LRP1B: variants seen among roughly 807,000 people sequenced by gnomAD.
LRP1B encodes LDL receptor related protein 1B.
A neutral mutation model predicts 556.6 loss-of-function variants in LRP1B; 217 were observed. The observed-to-expected ratio is 0.39, with a 90% CI of 0.35 to 0.44. LRP1B has a LOEUF of 0.44. Ranked by LOEUF, LRP1B falls within the 20% of genes least tolerant of loss-of-function variation. The probability of loss-of-function intolerance (pLI) is 1.00; values close to 1 mark genes in which losing one functional copy is unlikely to be tolerated. For synonymous variants in LRP1B, 2,047 were observed against 1,865.8 expected (o/e 1.10, Z -2.50); for missense variants, 5,053 against 5,620.8 (o/e 0.90, Z 3.23).
rs575392860 is a variant in LRP1B at position 140,536,833 on chromosome 2, A to G, written c.7514-124T>C. The G allele has an allele frequency of 3.9e-5, 29 of 743,758 alleles. No individual in the cohort carries two copies. In the East Asian group the frequency reaches 8.2e-4, roughly 21 times the overall value. The allele number at this position is 743,758 out of a possible 1,614,324, so 46.1% of individuals were successfully genotyped here. ...CTAAAATTTATCAAAATGTACAATT[A>G]AAGAGCAATGGTTTATGACATTTCT... is the stretch of plus-strand genomic sequence containing the variant. On this transcript the variant is annotated intron_variant, in intron 45 of 90. Transcript: ENST00000389484.
intron 2 of LRP1B, among the ~76,000 whole-genome samples, chr2:141,703,993 G>A (rs1264665934): frequency 6.6e-6 from 1 of 151,704 alleles, no homozygotes; most frequent in Non-Finnish European, 1.5e-5. Context: ...CTGATTTCTT[G>A]CCACCTCCCA....
At chr2:140,491,396 A>G (rs147987885) in intron 57 of LRP1B, among the ~76,000 whole-genome samples, 6,132 of 152,132 alleles carry the variant, frequency 0.04, 173 homozygotes, top group Non-Finnish European at 0.047. Flanking sequence ...TATATACACA[A>G]CCTAGTGAAA....
intron 35 of LRP1B, among the ~76,000 whole-genome samples, chr2:140,722,783 C>A (rs1000712103): frequency 3.9e-5 from 6 of 152,178 alleles, no homozygotes; most frequent in Non-Finnish European, 5.9e-5. Context: ...GTGGCTCACG[C>A]CTGTAATCCC....
intron 1 of LRP1B, among the ~76,000 whole-genome samples, chr2:142,078,641 G>T (rs12613097): frequency 0.21 from 31,573 of 151,998 alleles, 3,510 homozygotes; most frequent in Middle Eastern, 0.43. Context: ...AGCCTTTAGA[G>T]TAATATTAAC....
At chr2:140,285,153 A>T (rs557548896) in intron 84 of LRP1B, among the ~76,000 whole-genome samples, 1 of 149,626 alleles carries the variant, frequency 6.7e-6, no homozygotes, top group South Asian at 2.1e-4. Context: ...ACACATGTAT[A>T]TATGTGTGTG....
intron 41 of LRP1B, among the ~76,000 whole-genome samples, chr2:140,619,635 C>T (rs1683384041): frequency 6.6e-6 from 1 of 152,158 alleles, no homozygotes; most frequent in South Asian, 2.1e-4. Flanking sequence ...CCAGCAGTTC[C>T]TTAACTGCTC....
intron 35 of LRP1B, among the ~76,000 whole-genome samples, chr2:140,765,848 A>T (rs1381104104): frequency 1.3e-5 from 2 of 152,100 alleles, no homozygotes; most frequent in African/African-American, 4.8e-5. Context: ...TTTGCCAATG[A>T]TTCTCTTCCA....
chr2:141,323,994 A>AGCAC (rs772276993), intron 3 of LRP1B, among the ~76,000 whole-genome samples: 1 of 42,172 alleles, frequency 2.4e-5, no homozygotes, highest in Non-Finnish European at 5.1e-5. Context: ...GAGCAAGGAA[A>AGCAC]TCACACACAC....
intron 31 of LRP1B, among the ~76,000 whole-genome samples, chr2:140,819,047 T>C (rs1691226995): frequency 6.6e-6 from 1 of 152,112 alleles, no homozygotes; most frequent in Admixed American, 6.5e-5. Context: ...TCTAAGGTGT[T>C]AGCCTTCAGT....
intron 43 of LRP1B, among the ~76,000 whole-genome samples, chr2:140,549,771 G>T (rs938074549): frequency 1.3e-5 from 2 of 152,162 alleles, no homozygotes; most frequent in East Asian, 3.9e-4. Flanking sequence ...AATTCACACA[G>T]AGATCATGGG....
At chr2:141,236,591 C>A (rs1405538480) in intron 5 of LRP1B, among the ~76,000 whole-genome samples, 1 of 152,042 alleles carries the variant, frequency 6.6e-6, no homozygotes, top group South Asian at 2.1e-4. Context: ...AATGTTCTTG[C>A]TTTTACTTTA....
At chr2:141,007,130 G>A (rs1287768717) in intron 14 of LRP1B, among the ~76,000 whole-genome samples, 2 of 151,796 alleles carry the variant, frequency 1.3e-5, no homozygotes, top group Admixed American at 6.6e-5. Flanking sequence ...AGAGCCATAC[G>A]ATAAGAGAAT....
chr2:140,767,829 G>C (rs1289911514), intron 35 of LRP1B, among the ~76,000 whole-genome samples: 1 of 151,540 alleles, frequency 6.6e-6, no homozygotes, highest in African/African-American at 2.4e-5. Context: ...CTAAAGCAAA[G>C]GACTATGTAC....
chr2:141,213,117 A>T lies in LRP1B; in HGVS notation c.850+16066T>A, dbSNP rs542242404. Among the ~76,000 whole-genome samples the T allele has an allele frequency of 3.9e-3, 544 of 140,312 alleles. 2 individuals carry two copies. Among genetic ancestry groups the T allele is most frequent in the Non-Finnish European group, 6.8e-3 (439 of 64,262 alleles). 92.1% of individuals were successfully genotyped at this position (140,312 alleles called of 152,430 possible). On this transcript the variant is annotated intron_variant, in intron 6 of 90. Coordinates refer to ENST00000389484, the MANE Select transcript of LRP1B (RefSeq NM_018557.3). ...GAGCACCATCATCCTCAGCTAATTA[A>T]TTTTTTTTTTTTTTTGTAAAGATGA...
At chr2:140,252,763 C>A (rs200744178) in intron 86 of LRP1B, among the ~76,000 whole-genome samples, 1 of 151,976 alleles carries the variant, frequency 6.6e-6, no homozygotes, top group East Asian at 1.9e-4. Flanking sequence ...TCCCTGTCTG[C>A]GACAGTGAGG....
intron 1 of LRP1B, among the ~76,000 whole-genome samples, chr2:142,018,877 T>C (rs1179946163): frequency 2.8e-5 from 4 of 142,096 alleles, no homozygotes; most frequent in African/African-American, 7.5e-5. Flanking sequence ...TCTGGATAGA[T>C]ATGTCTTATA....
chr2:140,510,811 G>A (rs1020597813), intron 51 of LRP1B, among the ~76,000 whole-genome samples: 1 of 151,984 alleles, frequency 6.6e-6, no homozygotes, highest in Non-Finnish European at 1.5e-5. Flanking sequence ...TTGTTGACTT[G>A]GACTTTTAAG....
chr2:142,130,512 C>T, intron 1 of LRP1B, 136 bp downstream of exon 1: 1 of 700,180 alleles, frequency 1.4e-6, no homozygotes, highest in Non-Finnish European at 2.4e-6. Flanking sequence ...CCGCACAGGG[C>T]CAGCGCACGG....
intron 7 of LRP1B, among the ~76,000 whole-genome samples, chr2:141,082,579 G>A (rs1558848025): frequency 1.3e-5 from 2 of 152,274 alleles, no homozygotes; most frequent in East Asian, 1.9e-4. Context: ...AACTCTTATC[G>A]TGGAGAATTT....
Sources: gnomAD v4.1 joint callset for allele counts (sites outside exome capture counted in the v4.1 genomes callset) on GRCh38, gnomAD v4.1.1 for gene constraint, MANE v1.5 for transcripts, NCBI Gene and HGNC (gene_info 2026-07-23, HGNC 2026-07-21) for gene names.